Variants in GRAMD1A observed in about 807,000 individuals in gnomAD.
GRAMD1A encodes GRAM domain containing 1A.
A neutral mutation model predicts 92.0 loss-of-function variants in GRAMD1A; 50 were observed. The ratio of observed to expected loss-of-function variants is 0.54; its 90% confidence interval spans 0.43 to 0.69. The LOEUF is 0.69. GRAMD1A is among the 30% of genes least tolerant of loss of function. The pLI is 0.00. For missense variants in GRAMD1A, 819 were observed against 978.9 expected (o/e 0.84, Z 2.18); for synonymous variants, 405 against 403.6 (o/e 1.00, Z -0.04).
At position 35,009,175 on chromosome 19, in the gene GRAMD1A, G is replaced by A. The variant is rs748644887; in HGVS notation, c.65G>A (p.Arg22Gln). ...AGCAGCTCCCCATCGCTCCGGAAAC[G>A]GCTGCAGCTCCTGCCCCCAAGCCGG... ...TPSSSPSLRKRLQLLPPSRPP... is the reference protein window; with the variant it reads ...TPSSSPSLRKQLQLLPPSRPP... The change falls in exon 2 of 20, where the codon CGG becomes CAG. Residue 22 changes from arginine (R) to glutamine (Q), a missense_variant. Transcript: ENST00000317991. 4.3e-5 allele frequency: 70 copies of A among 1,613,822 alleles called. No individual in the cohort carries two copies. The highest frequency in any genetic ancestry group is 5.8e-5 in the Non-Finnish European group (69 of 1,179,918).
intron 19 of GRAMD1A, 140 bp from the exon 20 acceptor site, chr19:35,025,909 T>C (rs1204295564): frequency 3.1e-6 from 2 of 648,292 alleles, no homozygotes; most frequent in African/African-American, 3.6e-5. Flanking sequence ...ATGGCTGTGC[T>C]CTTTTCACCA....
chr19:34,996,400 C>T, upstream of GRAMD1A: 1 of 840,328 alleles, frequency 1.2e-6, no homozygotes, highest in Non-Finnish European at 1.8e-6. Context: ...ACCTTAGCCC[C>T]ACAGAGGGCT....
intron 13 of GRAMD1A, among the ~76,000 whole-genome samples, chr19:35,020,719 T>C (rs184561031): frequency 3.3e-5 from 5 of 150,840 alleles, no homozygotes; most frequent in Admixed American, 1.3e-4. Flanking sequence ...GACTTGACTT[T>C]ACCTGGAGTG....
At chr19:35,008,954 G>A (rs2015018414) in intron 1 of GRAMD1A, among the ~76,000 whole-genome samples, 165 bp from the exon 2 acceptor site, 2 of 152,226 alleles carry the variant, frequency 1.3e-5, no homozygotes, top group South Asian at 2.1e-4. Flanking sequence ...GCACAGAGAC[G>A]TTAAGGAGCA....
At chr19:35,012,995 A>G (rs904513846) in intron 7 of GRAMD1A, 3 of 457,558 alleles carry the variant, frequency 6.6e-6, no homozygotes, top group African/African-American at 1.9e-5. Flanking sequence ...ACAAAAAAAG[A>G]TATAAAAAAA....
intron 19 of GRAMD1A, 151 bp from the exon 20 acceptor site, chr19:35,025,898 C>T (rs1273199237): frequency 7.9e-6 from 5 of 635,498 alleles, no homozygotes; most frequent in Non-Finnish European, 1.4e-5. Flanking sequence ...CTGGGTGCAG[C>T]ATGGCTGTGC....
upstream of GRAMD1A, chr19:34,998,403 A>C (rs541050410): frequency 1.1e-4 from 16 of 147,610 alleles, no homozygotes; most frequent in Admixed American, 3.5e-4. Flanking sequence ...TCCCGGGTTC[A>C]AGCAATTCTC....
rs756491820 is a variant in GRAMD1A, at chr19:35,009,868, C to T, written c.241-20C>T. On this transcript the variant is annotated intron_variant, in intron 3 of 19. Transcript: ENST00000317991. ...GAGTGTGAACCCCCATCCAGGTTCT[C>T]ACCTCTCAAACTTCCTCAGATGCTG... is the stretch of plus-strand genomic sequence containing the variant. 5 of 1,502,528 alleles carry T rather than the reference C, an allele frequency of 3.3e-6. No individual in the cohort carries two copies. Among genetic ancestry groups the T allele is most frequent in the African/African-American group, 1.4e-5 (1 of 72,744 alleles). The allele number at this position is 1,502,528 out of a possible 1,614,324, so 93.1% of individuals were successfully genotyped here. A position where few individuals can be genotyped will look rare whatever the true frequency, so the allele number is the denominator to read the frequency against.
chr19:35,012,949 T>A, intron 7 of GRAMD1A: 1 of 307,814 alleles, frequency 3.2e-6, no homozygotes, highest in Non-Finnish European at 6.3e-6. Context: ...CACTCCAGCC[T>A]GAGCGACAGA....
intron 1 of GRAMD1A, among the ~76,000 whole-genome samples, chr19:34,995,173 C>T (rs914819852): frequency 6.6e-6 from 1 of 152,194 alleles, no homozygotes; most frequent in Non-Finnish European, 1.5e-5. Context: ...TCTGTCTGTC[C>T]GGCTAGCCGT....
At chr19:34,995,572 T>TTTG (rs1568309946), upstream of GRAMD1A, among the ~76,000 whole-genome samples, 6 of 81,372 alleles carry the variant, frequency 7.4e-5, no homozygotes, top group African/African-American at 2.6e-4. Flanking sequence ...AGATCACGGG[T>TTTG]TTTTTTTTTT....
intron 19 of GRAMD1A, among the ~76,000 whole-genome samples, chr19:35,025,669 C>T (rs1436647040): frequency 6.6e-6 from 1 of 152,170 alleles, no homozygotes; most frequent in Non-Finnish European, 1.5e-5. Flanking sequence ...ACTTAGTGTA[C>T]ACCAGGTTCT....
rs1360566531 is a variant in GRAMD1A at position 35,003,167 on chromosome 19, T to TGC, written c.8+2682_8+2683insCG. On this transcript the variant is annotated intron_variant, in intron 1 of 19. Transcript: ENST00000317991. ...GCGTGTGTGTGTGTGTGTGTGTGTG[T>TGC]GTGTGTGTGTGCATATGAGAGAGAG... 6.9e-5 allele frequency among the ~76,000 whole-genome samples: 10 copies of TGC among 144,118 alleles called. No individual in the cohort carries two copies. In the East Asian group the frequency reaches 2.0e-3, roughly 29 times the overall value. 94.5% of individuals were successfully genotyped at this position (144,118 alleles called of 152,430 possible). A position where few individuals can be genotyped will look rare whatever the true frequency, so the allele number is the denominator to read the frequency against.
chr19:35,018,119 C>A (rs2015772124), intron 11 of GRAMD1A, among the ~76,000 whole-genome samples: 1 of 151,732 alleles, frequency 6.6e-6, no homozygotes, highest in Admixed American at 6.6e-5. Flanking sequence ...TCCTGAGTAG[C>A]CGGGATTATA....
At position 35,021,670 on chromosome 19, in the gene GRAMD1A, A is replaced by G; in HGVS notation, c.1580-21A>G. On this transcript the variant is annotated intron_variant, in intron 14 of 19. Transcript: ENST00000317991. This position sits in a 1 kb window ranked among gnomAD's most constrained non-coding sequence, Gnocchi z 5.3. ...GGCCTGGCCAGGTATGGACATCCAG[A>G]GCCCCCTCTCTTTTACGCAGAGCGA... 1 of 1,614,006 alleles carries G rather than the reference A, an allele frequency of 6.2e-7. No homozygotes were observed. The highest frequency in any genetic ancestry group is 8.5e-7 in the Non-Finnish European group (1 of 1,179,918).
Position 35,023,411 on chromosome 19 carries a change from C to A in GRAMD1A, c.1962-16C>A, listed in dbSNP as rs936405501. Reference sequence around the variant, plus strand: ...GGGGGAGGCCAAGGCCCTGCTCAGGCCTGGCATCCCCACAGCAAGTTCCCC... The same window carrying A: ...GGGGGAGGCCAAGGCCCTGCTCAGGACTGGCATCCCCACAGCAAGTTCCCC... On this transcript the variant is annotated splice_polypyrimidine_tract_variant and intron_variant, in intron 18 of 19. Transcript: ENST00000317991. 1.9e-6 allele frequency: 3 copies of A among 1,600,330 alleles called. No homozygotes were observed. In the African/African-American group the frequency reaches 4.0e-5, roughly 22 times the overall value.
upstream of GRAMD1A, chr19:34,999,890 A>T: frequency 3.1e-6 from 1 of 320,388 alleles, no homozygotes; most frequent in Non-Finnish European, 4.5e-6. Context: ...AACCGGCCCC[A>T]CCCCTTCCCG....
At chr19:34,996,028 T>C, upstream of GRAMD1A, 1 of 1,533,848 alleles carries the variant, frequency 6.5e-7, no homozygotes, top group Non-Finnish European at 8.7e-7. Context: ...TCTCCATGGA[T>C]GATGTCCTGC....
At chr19:35,022,594 G>A (rs992330671) in intron 16 of GRAMD1A, among the ~76,000 whole-genome samples, 1 of 103,304 alleles carries the variant, frequency 9.7e-6, no homozygotes, top group South Asian at 2.6e-4. Context: ...TCCTGAGAGA[G>A]TGGAGACCGC....
Sources: allele counts gnomAD v4.1 joint callset (sites outside exome capture counted in the v4.1 genomes callset), GRCh38; gene constraint gnomAD v4.1.1; non-coding constraint Gnocchi (gnomAD v3.1); transcripts MANE v1.5; gene names NCBI Gene and HGNC (gene_info 2026-07-23, HGNC 2026-07-21).